EXOC6B: variants seen among roughly 807,000 people sequenced by gnomAD.
EXOC6B encodes the protein exocyst complex component 6B, also known as SEC15 homolog B.
Under a neutral mutation model 113.5 loss-of-function variants are expected in EXOC6B, and 54 were observed. That is an observed-to-expected ratio of 0.48 (90% CI 0.38 to 0.60). The LOEUF (loss-of-function observed/expected upper bound fraction) is 0.60. Among genes scored for constraint, EXOC6B ranks in the 20% least tolerant of loss-of-function variants. The probability of loss-of-function intolerance (pLI) is 0.00; values close to 1 mark genes in which losing one functional copy is unlikely to be tolerated. For synonymous variants in EXOC6B, 357 were observed against 339.0 expected (o/e 1.05, Z -0.58); for missense variants, 797 against 977.5 (o/e 0.82, Z 2.46).
chr2:72,481,542 G>C (rs1440558253), intron 16 of EXOC6B, among the ~76,000 whole-genome samples: 1 of 152,202 alleles, frequency 6.6e-6, no homozygotes. Flanking sequence ...GATGAACAGA[G>C]ATGTTAGGAG....
At chr2:72,488,562 C>T (rs1171560538) in intron 16 of EXOC6B, among the ~76,000 whole-genome samples, 7 of 152,048 alleles carry the variant, frequency 4.6e-5, no homozygotes, top group Admixed American at 2.6e-4. Context: ...TTAGCTCTGC[C>T]TAAAATTTTT....
At chr2:72,729,806 A>G (rs1451910937) in intron 5 of EXOC6B, among the ~76,000 whole-genome samples, 1 of 152,142 alleles carries the variant, frequency 6.6e-6, no homozygotes, top group Non-Finnish European at 1.5e-5. Flanking sequence ...CATATCTCAG[A>G]CAGAACTTCT....
intron 18 of EXOC6B, among the ~76,000 whole-genome samples, chr2:72,401,614 TATATATAC>T (rs1693288249): frequency 2.3e-5 from 1 of 44,042 alleles, no homozygotes; most frequent in Non-Finnish European, 3.4e-5. Flanking sequence ...TGTATATATA[TATATATAC>T]ATATATATAT....
At chr2:72,291,255 T>A (rs936498912) in intron 20 of EXOC6B, among the ~76,000 whole-genome samples, 11 of 152,190 alleles carry the variant, frequency 7.2e-5, no homozygotes, top group Non-Finnish European at 1.3e-4. Flanking sequence ...GCACAAGATA[T>A]CTGTCTCTTC....
chr2:72,623,435 G>T (rs1405361887), intron 6 of EXOC6B, among the ~76,000 whole-genome samples: 2 of 152,070 alleles, frequency 1.3e-5, no homozygotes, highest in Non-Finnish European at 2.9e-5. Flanking sequence ...TACAGAAAAG[G>T]ACAACAGAAA....
At chr2:72,655,040 C>A (rs1674483076) in intron 6 of EXOC6B, among the ~76,000 whole-genome samples, 1 of 152,140 alleles carries the variant, frequency 6.6e-6, no homozygotes, top group Non-Finnish European at 1.5e-5. Flanking sequence ...AAGTCTTTCA[C>A]AAATTAACCA....
At chr2:72,252,145 T>C (rs1395297050) in intron 20 of EXOC6B, among the ~76,000 whole-genome samples, 1 of 152,148 alleles carries the variant, frequency 6.6e-6, no homozygotes, top group Non-Finnish European at 1.5e-5. Context: ...TACTGAGTAG[T>C]ATTAGGGCAC....
At chr2:72,616,296 CA>C (rs113492310) in intron 6 of EXOC6B, among the ~76,000 whole-genome samples, 3 of 151,236 alleles carry the variant, frequency 2.0e-5, no homozygotes, top group Non-Finnish European at 4.4e-5. Context: ...CATATAAGAG[CA>C]AAAAAAAGAC....
At chr2:72,808,395 A>T (rs886381041) in intron 1 of EXOC6B, among the ~76,000 whole-genome samples, 2 of 152,220 alleles carry the variant, frequency 1.3e-5, no homozygotes, top group African/African-American at 2.4e-5. Flanking sequence ...GTAGACTATA[A>T]GTTACATATA....
intron 6 of EXOC6B, among the ~76,000 whole-genome samples, chr2:72,673,477 T>G (rs1038981004): frequency 2.2e-4 from 33 of 152,216 alleles, no homozygotes; most frequent in African/African-American, 7.7e-4. Flanking sequence ...TCTGGGCTTT[T>G]GGTGAAGTTA....
At chr2:72,671,789 A>AAGAAAGAAAGAAAGAAAGAAAG (rs1558902986) in intron 6 of EXOC6B, among the ~76,000 whole-genome samples, 14 of 116,424 alleles carry the variant, frequency 1.2e-4, no homozygotes, top group Admixed American at 6.4e-4. Context: ...GAAAGAAAGA[A>AAGAAAGAAAGAAAGAAAGAAAG]AGAAAGAAAG....
rs550592906 is a variant in EXOC6B, at chr2:72,351,580, A to G, written c.2123-16560T>C. Among the ~76,000 whole-genome samples the G allele has an allele frequency of 6.5e-4, 99 of 152,312 alleles. 1 individual carries two copies. The Middle Eastern group carries it at 0.014, about 21-fold the overall frequency. ...CTTTTTATGTCCTTAGGACATTTGC[A>G]TATAACCTGTAATATATGGGACATG... On this transcript the variant is annotated intron_variant, in intron 19 of 21. Coordinates refer to ENST00000272427, the MANE Select transcript of EXOC6B (RefSeq NM_015189.3).
chr2:72,193,369 G>C (rs1678973161), intron 20 of EXOC6B, among the ~76,000 whole-genome samples: 1 of 152,138 alleles, frequency 6.6e-6, no homozygotes, highest in Admixed American at 6.5e-5. Context: ...CTGGTGCTGG[G>C]CCTCTGTGAT....
chr2:72,395,806 C>A (rs1692691990), intron 18 of EXOC6B, among the ~76,000 whole-genome samples: 1 of 152,070 alleles, frequency 6.6e-6, no homozygotes, highest in South Asian at 2.1e-4. Context: ...ACGTCACCAA[C>A]CTAATAGAGA....
chr2:72,232,946 C>A (rs1681722671), intron 20 of EXOC6B, among the ~76,000 whole-genome samples: 1 of 151,734 alleles, frequency 6.6e-6, no homozygotes. Flanking sequence ...GTTGCGGGTG[C>A]CTGTAATCCT....
chr2:72,748,936 T>C (rs565142771), intron 1 of EXOC6B, among the ~76,000 whole-genome samples: 49 of 151,970 alleles, frequency 3.2e-4, no homozygotes, highest in Non-Finnish European at 6.0e-4. Context: ...ATTAAGAACA[T>C]AGAGACTGCC....
rs1029752518 is a variant in EXOC6B, at chr2:72,314,198, G to A, written c.2196+20749C>T. Among the ~76,000 whole-genome samples the A allele has an allele frequency of 3.0e-4, 46 of 152,032 alleles. 1 individual carries two copies. The highest frequency in any genetic ancestry group is 7.4e-5 in the Non-Finnish European group (5 of 68,020). ...TGTATTCCTGCTATCACTTTGCCCT[G>A]TCTCTTCCTGGCATACTGACACTTA... On this transcript the variant is annotated intron_variant, in intron 20 of 21. Transcript: ENST00000272427.
At chr2:72,245,864 C>CA (rs748930084) in intron 20 of EXOC6B, among the ~76,000 whole-genome samples, 1 of 152,024 alleles carries the variant, frequency 6.6e-6, no homozygotes, top group Non-Finnish European at 1.5e-5. Context: ...TGAACTACTG[C>CA]AAAAAATCTC....
intron 20 of EXOC6B, among the ~76,000 whole-genome samples, chr2:72,251,790 T>C (rs1368345003): frequency 6.6e-6 from 1 of 152,202 alleles, no homozygotes; most frequent in Non-Finnish European, 1.5e-5. Flanking sequence ...AGCGTAACTA[T>C]AACTGAAATA....
Sources: allele counts gnomAD v4.1 joint callset (sites outside exome capture counted in the v4.1 genomes callset), GRCh38; gene constraint gnomAD v4.1.1; transcripts MANE v1.5; gene names NCBI Gene and HGNC (gene_info 2026-07-23, HGNC 2026-07-21).